The following FOXRED2 variants were observed in gnomAD, a reference collection of about 807,000 sequenced individuals.
FOXRED2 encodes the protein FAD dependent oxidoreductase domain containing 2.
Under a neutral mutation model 52.5 loss-of-function variants are expected in FOXRED2, and 32 were observed. The observed-to-expected ratio is 0.61, with a 90% confidence interval of 0.46 to 0.82. FOXRED2 has a LOEUF of 0.82. FOXRED2 is among the 40% of genes least tolerant of loss of function. FOXRED2 has a pLI of 0.00. For missense variants in FOXRED2, 848 were observed against 937.5 expected (o/e 0.90, Z 1.25); for synonymous variants, 405 against 398.1 (o/e 1.02, Z -0.21).
chr22:36,496,374 C>G (rs1933898640), intron 6 of FOXRED2, among the ~76,000 whole-genome samples, 166 bp from the exon 7 acceptor site: 1 of 152,206 alleles, frequency 6.6e-6, no homozygotes, highest in South Asian at 2.1e-4. Flanking sequence ...AGCTCTCACG[C>G]ACATGTGGGG....
At position 36,489,966 on chromosome 22, in the gene FOXRED2, G is replaced by C. The variant is rs775291123; in HGVS notation, c.*42C>G. On this transcript the variant is annotated 3_prime_UTR_variant, in exon 9 of 9. Coordinates refer to ENST00000397224, the MANE Select transcript of FOXRED2 (RefSeq NM_001102371.2). Reference sequence around the variant, plus strand: ...AGAGGGACTGACCATGGGCCTAGGTGGGGAGGCCTGGCCACTGTGCCCACA... The same window carrying C: ...AGAGGGACTGACCATGGGCCTAGGTCGGGAGGCCTGGCCACTGTGCCCACA... The C allele has an allele frequency of 6.6e-7, 1 of 1,513,158 alleles. No individual in the cohort carries two copies. The highest frequency in any genetic ancestry group is 8.9e-7 in the Non-Finnish European group (1 of 1,127,946). 93.7% of individuals were successfully genotyped at this position (1,513,158 alleles called of 1,614,324 possible).
At chr22:36,503,763 C>T (rs1201435952) in intron 4 of FOXRED2, among the ~76,000 whole-genome samples, 5 of 152,234 alleles carry the variant, frequency 3.3e-5, no homozygotes, top group African/African-American at 4.8e-5. Flanking sequence ...AGGACAATTC[C>T]GGCACCTGTG....
Position 36,489,568 on chromosome 22 carries a change from A to G in FOXRED2, c.*440T>C, listed in dbSNP as rs1933694319. ...CACCTGCCCATTGTGGTTGTTGAGG[A>G]TATCAGAGCTTTTGTTTTAAAGCGC... is the stretch of plus-strand genomic sequence containing the variant. On this transcript the variant is annotated 3_prime_UTR_variant, in exon 9 of 9. Coordinates refer to ENST00000397224, the MANE Select transcript of FOXRED2 (RefSeq NM_001102371.2). 6.5e-6 allele frequency: 1 copy of G among 154,636 alleles called. No homozygotes were observed. Among genetic ancestry groups the G allele is most frequent in the East Asian group, 1.9e-4 (1 of 5,264 alleles). 9.6% of individuals were successfully genotyped at this position (154,636 alleles called of 1,614,324 possible).
At position 36,489,121 on chromosome 22, in the gene FOXRED2, C is replaced by T. The variant is rs894775642; in HGVS notation, c.*887G>A. The T allele has an allele frequency of 6.6e-6, 1 of 152,320 alleles. No homozygotes were observed. The highest frequency in any genetic ancestry group is 2.1e-4 in the South Asian group (1 of 4,828). 9.4% of individuals were successfully genotyped at this position (152,320 alleles called of 1,614,324 possible). ...AGCACATATGGGTGCCAGCCCGAGA[C>T]AGCAGGATAAGTTTCACAAAACTTG... On this transcript the variant is annotated 3_prime_UTR_variant, in exon 9 of 9. Coordinates refer to ENST00000397224, the MANE Select transcript of FOXRED2 (RefSeq NM_001102371.2).
At chr22:36,503,718 C>T (rs1053925524) in intron 4 of FOXRED2, among the ~76,000 whole-genome samples, 8 of 152,334 alleles carry the variant, frequency 5.3e-5, no homozygotes, top group South Asian at 4.1e-4. Flanking sequence ...AAATAACTTC[C>T]GCCGAGGTCA....
At chr22:36,496,306 C>T (rs968347660) in intron 6 of FOXRED2, 98 bp from the exon 7 acceptor site, 4 of 1,440,926 alleles carry the variant, frequency 2.8e-6, no homozygotes, top group Non-Finnish European at 3.8e-6. Flanking sequence ...TGTATCTCCC[C>T]CTCTAAGGAG....
rs751006432 is a variant in FOXRED2 at position 36,501,324 on chromosome 22, C to A, written c.1133G>T (p.Gly378Val). The change falls in exon 5 of 9, where the codon GGT becomes GTT. Residue 378 changes from glycine to valine, a missense_variant. Physicochemically the swap from Gly to Val is moderately radical, Grantham distance 109 (BLOSUM62 -3). Coordinates refer to ENST00000397224, the MANE Select transcript of FOXRED2 (RefSeq NM_001102371.2). ...RASYESKGSRGLFILGTASHS... is the reference protein window; with the variant it reads ...RASYESKGSRVLFILGTASHS... The stretch of plus-strand genomic sequence containing the variant: ...GCTGGCAGTACCCAGGATAAACAGA[C>A]CCCGGCTTCCTTTGGATTCGTAGCT... The A allele has an allele frequency of 1.5e-5, 25 of 1,614,036 alleles. No individual in the cohort carries two copies. In the East Asian group the frequency reaches 4.5e-4, roughly 29 times the overall value.
Position 36,501,380 on chromosome 22 carries a change from T to C in FOXRED2, c.1077A>G (p.Ala359=), listed in dbSNP as rs5756223. ...GAATCAGCGGGTACTTCTTGCCGAA[T>C]GCATTTCCCGAGTTAAGTCTGAGGG... ...NKSLRLNSGN[A]FGKKYPLIRA... The change falls in exon 5 of 9, where the codon GCA becomes GCG. Residue 359 remains alanine (A), a synonymous_variant. Coordinates refer to ENST00000397224, the MANE Select transcript of FOXRED2 (RefSeq NM_001102371.2). 0.059 allele frequency: 95,295 copies of C among 1,614,044 alleles called. 2,965 individuals are homozygous for C. Among genetic ancestry groups the C allele is most frequent in the Middle Eastern group, 0.11 (656 of 6,060 alleles).
chr22:36,488,423 T>C lies in FOXRED2; in HGVS notation c.*1585A>G, dbSNP rs1933661333. The C allele has an allele frequency of 6.9e-6, 1 of 145,364 alleles. No homozygotes were observed. Among genetic ancestry groups the C allele is most frequent in the Non-Finnish European group, 1.5e-5 (1 of 66,668 alleles). The allele number at this position is 145,364 out of a possible 1,614,324, so 9.0% of individuals were successfully genotyped here. On this transcript the variant is annotated 3_prime_UTR_variant, in exon 9 of 9. Transcript: ENST00000397224. ...ACAGGCATGCTCCACCATGCCCAGCTAATTTTTTTTACCGTTAGTAGAGAC... is the reference window on the plus strand; with the variant it reads ...ACAGGCATGCTCCACCATGCCCAGCCAATTTTTTTTACCGTTAGTAGAGAC...
chr22:36,493,500 G>A (rs921141465), intron 8 of FOXRED2, 133 bp downstream of exon 8: 10 of 643,436 alleles, frequency 1.6e-5, no homozygotes, highest in East Asian at 2.8e-5. Context: ...TTTAACCCAC[G>A]GCATTGTCGG....
intron 1 of FOXRED2, 103 bp from the exon 2 acceptor site, chr22:36,506,526 G>C (rs1460043278): frequency 1.7e-6 from 2 of 1,175,204 alleles, no homozygotes; most frequent in Admixed American, 3.1e-5. Flanking sequence ...CTGCAATCTG[G>C]GTCACGGCCA....
intron 4 of FOXRED2, among the ~76,000 whole-genome samples, chr22:36,503,493 T>C (rs1394199901): frequency 6.6e-6 from 1 of 151,746 alleles, no homozygotes; most frequent in Non-Finnish European, 1.5e-5. Flanking sequence ...GTATTTTTAG[T>C]AGAGATGGGG....
intron 5 of FOXRED2, among the ~76,000 whole-genome samples, chr22:36,500,571 T>C (rs1021794049): frequency 6.7e-6 from 1 of 148,634 alleles, no homozygotes; most frequent in Non-Finnish European, 1.5e-5. Context: ...AGAACTGATA[T>C]AATCCAATTA....
rs1349515472 is a variant in FOXRED2, at chr22:36,495,991, A to T, written c.1600T>A (p.Tyr534Asn). 5.6e-6 allele frequency: 9 copies of T among 1,614,126 alleles called. No homozygotes were observed. Among genetic ancestry groups the T allele is most frequent in the Non-Finnish European group, 7.6e-6 (9 of 1,180,046 alleles). Residue 534 changes from tyrosine (Y) to asparagine (N), a missense_variant, in exon 7 of 9, where the codon TAC becomes AAC. By Grantham distance (143) the Tyr-to-Asn change is moderately radical (BLOSUM62 -2). Coordinates refer to ENST00000397224, the MANE Select transcript of FOXRED2 (RefSeq NM_001102371.2). ...CCGGTGGGGAGGTATCTATAGTAGT[A>T]GATGACAGGATGAAGAAAGTTAGAC... ...WQSNFLHPVI[Y>N]YYRYLPTEQE...
chr22:36,493,073 C>A (rs1054404149), intron 8 of FOXRED2, among the ~76,000 whole-genome samples: 1 of 152,232 alleles, frequency 6.6e-6, no homozygotes, highest in Admixed American at 6.5e-5. Context: ...TCCCATCCTG[C>A]TCCAGCTCTG....
intron 5 of FOXRED2, among the ~76,000 whole-genome samples, chr22:36,500,834 T>C (rs1469687411): frequency 2.0e-5 from 3 of 152,196 alleles, no homozygotes; most frequent in African/African-American, 7.2e-5. Flanking sequence ...TCCACCTGCC[T>C]TGGCCTCCCA....
At chr22:36,506,472 G>A in intron 1 of FOXRED2, 49 bp from the exon 2 acceptor site, 1 of 1,410,250 alleles carries the variant, frequency 7.1e-7, no homozygotes, top group Non-Finnish European at 9.2e-7. Context: ...CGGCGGCTGG[G>A]AGACACGAGG....
Position 36,490,273 on chromosome 22 carries a change from C to A in FOXRED2, c.1796-6G>T. 1 of 1,583,140 alleles carries A rather than the reference C, an allele frequency of 6.3e-7. No individual in the cohort carries two copies. The highest frequency in any genetic ancestry group is 1.1e-5 in the South Asian group (1 of 89,110). ...GGCGAACAGGAAGCAGGACTCTACA[C>A]AAAAGCAAAATGAGGAGAATGAGCC... On this transcript the variant is annotated splice_polypyrimidine_tract_variant and splice_region_variant and intron_variant, in intron 8 of 8. Transcript: ENST00000397224.
chr22:36,490,277 A>G lies in FOXRED2; in HGVS notation c.1796-10T>C. On this transcript the variant is annotated splice_polypyrimidine_tract_variant and intron_variant, in intron 8 of 8. Transcript: ENST00000397224. ...AACAGGAAGCAGGACTCTACACAAA[A>G]GCAAAATGAGGAGAATGAGCCAGGC... 6.3e-7 allele frequency: 1 copy of G among 1,579,340 alleles called. No homozygotes were observed. The highest frequency in any genetic ancestry group is 8.6e-7 in the Non-Finnish European group (1 of 1,157,976).
Sources: gnomAD v4.1 joint callset for allele counts (sites outside exome capture counted in the v4.1 genomes callset) on GRCh38, gnomAD v4.1.1 for gene constraint, MANE v1.5 for transcripts, NCBI Gene and HGNC (gene_info 2026-07-23, HGNC 2026-07-21) for gene names.